The following LPA variants were observed in gnomAD, a reference collection of about 807,000 sequenced individuals.
LPA encodes the protein apolipoprotein(a).
LPA carries 199 observed loss-of-function variants against 197.9 expected under a neutral mutation model. The ratio of observed to expected loss-of-function variants is 1.01; its 90% CI spans 0.90 to 1.13. The LOEUF (loss-of-function observed/expected upper bound fraction) is 1.13. Ranked by LOEUF, LPA falls within the 50% of genes most tolerant of loss-of-function variation. The pLI is 0.00. For synonymous variants in LPA, 715 were observed against 639.5 expected (o/e 1.12, Z -1.78); for missense variants, 1,853 against 1,785.8 (o/e 1.04, Z -0.68).
chr6:160,555,771 C>G (rs1778252832), intron 30 of LPA, among the ~76,000 whole-genome samples: 1 of 152,040 alleles, frequency 6.6e-6, no homozygotes, highest in Non-Finnish European at 1.5e-5. Flanking sequence ...CATTTGATCT[C>G]TTGAGCTTTA....
chr6:160,555,136 T>C (rs1778232593), intron 30 of LPA, among the ~76,000 whole-genome samples: 2 of 151,640 alleles, frequency 1.3e-5, no homozygotes, highest in African/African-American at 2.4e-5. Context: ...TTCCTAATTC[T>C]CATCTACATT....
intron 22 of LPA, among the ~76,000 whole-genome samples, chr6:160,592,147 T>C (rs539927637): frequency 9.2e-5 from 14 of 152,342 alleles, no homozygotes; most frequent in African/African-American, 3.1e-4. Flanking sequence ...GTGACTTGCC[T>C]AACACATATA....
chr6:160,610,485 T>G (rs1398196376), intron 16 of LPA, among the ~76,000 whole-genome samples: 1 of 152,206 alleles, frequency 6.6e-6, no homozygotes, highest in Non-Finnish European at 1.5e-5. Context: ...GAGTGCTATG[T>G]GATCTCTATC....
At chr6:160,541,040 T>C (rs1018187010) in intron 35 of LPA, 67 bp downstream of exon 35, 2 of 1,304,036 alleles carry the variant, frequency 1.5e-6, no homozygotes, top group Non-Finnish European at 2.2e-6. Context: ...AAAGAAGGGA[T>C]GGAGGAAGAG....
chr6:160,534,899 G>A (rs890520080), intron 37 of LPA, among the ~76,000 whole-genome samples: 191 of 151,906 alleles, frequency 1.3e-3, no homozygotes, highest in Non-Finnish European at 1.2e-3. Context: ...GATGATGGTG[G>A]TGATGATTAA....
intron 18 of LPA, among the ~76,000 whole-genome samples, chr6:160,602,647 C>A (rs1430560893): frequency 6.6e-6 from 1 of 152,170 alleles, no homozygotes; most frequent in Admixed American, 6.6e-5. Context: ...TTTCTTTGGG[C>A]AACATCTCTT....
At chr6:160,626,163 TTCCCTATGTGA>T (rs1779641076) in intron 10 of LPA, among the ~76,000 whole-genome samples, 1 of 119,622 alleles carries the variant, frequency 8.4e-6, no homozygotes, top group South Asian at 2.7e-4. Context: ...TTTTCCGAAA[TTCCCTATGTGA>T]TCCCTTGAGT....
At chr6:160,603,985 T>C (rs1340905029) in intron 18 of LPA, among the ~76,000 whole-genome samples, 1 of 152,246 alleles carries the variant, frequency 6.6e-6, no homozygotes, top group Non-Finnish European at 1.5e-5. Flanking sequence ...GTCCTCTTTA[T>C]TGAGCTCACT....
At chr6:160,554,677 CT>C (rs1219042204) in intron 30 of LPA, among the ~76,000 whole-genome samples, 2 of 152,102 alleles carry the variant, frequency 1.3e-5, no homozygotes, top group Non-Finnish European at 2.9e-5. Flanking sequence ...TGAATTTGTC[CT>C]TTCCCCAGTA....
At chr6:160,654,452 C>T (rs1429451426) in intron 1 of LPA, among the ~76,000 whole-genome samples, 1 of 151,950 alleles carries the variant, frequency 6.6e-6, no homozygotes, top group Non-Finnish European at 1.5e-5. Flanking sequence ...ACAGACATAA[C>T]CGAGATTAAT....
At chr6:160,537,442 C>T (rs771483587) in intron 37 of LPA, among the ~76,000 whole-genome samples, 4 of 152,154 alleles carry the variant, frequency 2.6e-5, no homozygotes, top group Non-Finnish European at 1.5e-5. Context: ...TGTTTAGAAA[C>T]GCAGTCTGTC....
intron 28 of LPA, among the ~76,000 whole-genome samples, chr6:160,568,352 G>A (rs1778501133): frequency 1.3e-5 from 2 of 152,160 alleles, no homozygotes; most frequent in Admixed American, 1.3e-4. Context: ...ATCAATAAAT[G>A]TAATCCATCA....
chr6:160,651,677 G>T (rs1384152472), intron 1 of LPA, among the ~76,000 whole-genome samples: 2 of 152,160 alleles, frequency 1.3e-5, no homozygotes, highest in African/African-American at 4.8e-5. Context: ...ATAAGTCACT[G>T]TTAAATAATA....
At chr6:160,557,836 A>C (rs994651270) in intron 28 of LPA, among the ~76,000 whole-genome samples, 2 of 152,238 alleles carry the variant, frequency 1.3e-5, no homozygotes, top group Non-Finnish European at 2.9e-5. Context: ...ATAAATGTAT[A>C]CAAGAAAAAT....
chr6:160,547,626 C>G (rs1778093715), intron 32 of LPA, among the ~76,000 whole-genome samples, 163 bp downstream of exon 32: 1 of 152,118 alleles, frequency 6.6e-6, no homozygotes, highest in African/African-American at 2.4e-5. Context: ...CCTGAGAACC[C>G]CCACACGCGT....
intron 22 of LPA, among the ~76,000 whole-genome samples, chr6:160,593,117 C>T (rs1779061645): frequency 6.6e-6 from 1 of 152,138 alleles, no homozygotes; most frequent in Non-Finnish European, 1.5e-5. Context: ...TAGAATACGT[C>T]AGATGCCTGA....
chr6:160,591,936 CT>C (rs1340718110), intron 22 of LPA, among the ~76,000 whole-genome samples: 1 of 152,122 alleles, frequency 6.6e-6, no homozygotes, highest in Admixed American at 6.6e-5. Flanking sequence ...TAGGAACCCC[CT>C]TTTTTTCTTC....
intron 2 of LPA, among the ~76,000 whole-genome samples, chr6:160,649,021 G>A (rs533992643): frequency 2.5e-4 from 38 of 152,232 alleles, no homozygotes; most frequent in African/African-American, 8.4e-4. Context: ...TGACTTTGAT[G>A]TTTACCTCTA....
At chr6:160,563,184 G>A (rs1328549024) in intron 28 of LPA, among the ~76,000 whole-genome samples, 15 of 152,140 alleles carry the variant, frequency 9.9e-5, no homozygotes, top group East Asian at 1.9e-4. Context: ...GATCTTTCCC[G>A]CTTTCTCCTG....
Sources: gnomAD v4.1 joint callset for allele counts (sites outside exome capture counted in the v4.1 genomes callset) on GRCh38, gnomAD v4.1.1 for gene constraint, MANE v1.5 for transcripts, NCBI Gene and HGNC (gene_info 2026-07-23, HGNC 2026-07-21) for gene names.